The following SPIDR variants were observed in gnomAD, a reference collection of about 807,000 sequenced individuals.
The protein encoded by SPIDR is scaffold protein involved in DNA repair.
SPIDR carries 93 observed loss-of-function variants against 104.6 expected under a neutral mutation model. The observed-to-expected ratio is 0.89, with a 90% CI of 0.75 to 1.06. The LOEUF is 1.06. SPIDR is among the 50% of genes least tolerant of loss of function. The pLI is 0.00. For synonymous variants in SPIDR, 431 were observed against 416.9 expected (o/e 1.03, Z -0.41); for missense variants, 1,154 against 1,111.2 (o/e 1.04, Z -0.55).
chr8:47,399,534 G>A (rs1049035184), intron 6 of SPIDR, among the ~76,000 whole-genome samples: 4 of 152,188 alleles, frequency 2.6e-5, no homozygotes, highest in African/African-American at 7.2e-5. Flanking sequence ...TCTGTGACAC[G>A]GGCATGTAGT....
chr8:47,457,577 C>A (rs1275098616), intron 8 of SPIDR, among the ~76,000 whole-genome samples: 1 of 152,076 alleles, frequency 6.6e-6, no homozygotes, highest in Non-Finnish European at 1.5e-5. Flanking sequence ...TTGCTTTTGC[C>A]ATGCAAAAGC....
At chr8:47,720,689 T>C (rs1341330537) in intron 16 of SPIDR, among the ~76,000 whole-genome samples, 1 of 152,206 alleles carries the variant, frequency 6.6e-6, no homozygotes, top group African/African-American at 2.4e-5. Flanking sequence ...GAGTTTTAAG[T>C]GTTAACAGTC....
intron 14 of SPIDR, among the ~76,000 whole-genome samples, chr8:47,708,533 C>A (rs2081401021): frequency 6.6e-6 from 1 of 152,082 alleles, no homozygotes; most frequent in East Asian, 1.9e-4. Flanking sequence ...ATCGTACTCA[C>A]CCAGAGTCCA....
intron 2 of SPIDR, among the ~76,000 whole-genome samples, chr8:47,282,599 T>C (rs2038007333): frequency 6.6e-6 from 1 of 152,268 alleles, no homozygotes; most frequent in Admixed American, 6.5e-5. Flanking sequence ...TGCTCTGGAT[T>C]CTGCTCTGGC....
chr8:47,384,061 A>G (rs1395167353), intron 5 of SPIDR, among the ~76,000 whole-genome samples: 1 of 152,212 alleles, frequency 6.6e-6, no homozygotes, highest in Admixed American at 6.5e-5. Flanking sequence ...CTAAAACTGG[A>G]AAGAGAATTC....
chr8:47,630,964 A>G (rs554529034), intron 10 of SPIDR, among the ~76,000 whole-genome samples: 2 of 152,178 alleles, frequency 1.3e-5, no homozygotes, highest in African/African-American at 4.8e-5. Flanking sequence ...TTAAAGGGCA[A>G]CCTACAGACT....
intron 5 of SPIDR, among the ~76,000 whole-genome samples, chr8:47,331,989 C>CTTTTTTTTTTTTTTTTTTTTTTTTT (rs1289524835): frequency 1.7e-4 from 6 of 36,322 alleles, no homozygotes; most frequent in Non-Finnish European, 2.2e-4. Flanking sequence ...TTTTTTTTCT[C>CTTTTTTTTTTTTTTTTTTTTTTTTT]TTTTTTTTTT....
intron 10 of SPIDR, among the ~76,000 whole-genome samples, chr8:47,663,730 C>G (rs1241564400): frequency 6.6e-6 from 1 of 152,192 alleles, no homozygotes; most frequent in Non-Finnish European, 1.5e-5. Flanking sequence ...TCCAAATACT[C>G]TCAAGACTTA....
At chr8:47,329,214 G>A (rs1026459031) in intron 5 of SPIDR, among the ~76,000 whole-genome samples, 12 of 152,014 alleles carry the variant, frequency 7.9e-5, no homozygotes, top group Non-Finnish European at 8.8e-5. Flanking sequence ...GGGACTACAG[G>A]CACCCGCCAC....
intron 5 of SPIDR, among the ~76,000 whole-genome samples, chr8:47,300,878 A>T (rs1339214036): frequency 6.6e-6 from 1 of 152,134 alleles, no homozygotes; most frequent in Non-Finnish European, 1.5e-5. Flanking sequence ...ATATGTGGTC[A>T]ATTTGGAATA....
intron 14 of SPIDR, among the ~76,000 whole-genome samples, chr8:47,703,172 G>A (rs945532913): frequency 1.3e-5 from 2 of 152,156 alleles, no homozygotes; most frequent in African/African-American, 4.8e-5. Context: ...AAGCATTCAT[G>A]GTTGCATACA....
rs1219071134 is a variant in SPIDR at position 47,502,022 on chromosome 8, G to A, written c.1097+61480G>A. On this transcript the variant is annotated intron_variant, in intron 8 of 19. Coordinates refer to ENST00000297423, the MANE Select transcript of SPIDR (RefSeq NM_001080394.4). ...CTTGATCATGGTCGATAAGTTTTTT[G>A]ATGTGATGCTGGATTCGGTTTGCCA... Among the ~76,000 whole-genome samples, 9 of 152,282 alleles carry A rather than the reference G, an allele frequency of 5.9e-5. No individual in the cohort carries two copies. In the South Asian group the frequency reaches 6.2e-4, roughly 11 times the overall value.
Position 47,299,169 on chromosome 8 carries a change from C to T in SPIDR, c.525+5139C>T, listed in dbSNP as rs1563523692. On this transcript the variant is annotated intron_variant, in intron 5 of 19. Coordinates refer to ENST00000297423, the MANE Select transcript of SPIDR (RefSeq NM_001080394.4). ...TAGTTCTCCTTGAAGAGGTCCTTCA[C>T]GTCTCTTGTAAGTTGGAATCCTAGG... Among the ~76,000 whole-genome samples the T allele has an allele frequency of 2.0e-5, 3 of 152,264 alleles. No individual in the cohort carries two copies. In the South Asian group the frequency reaches 6.2e-4, roughly 32 times the overall value.
At chr8:47,661,228 T>C (rs895267018) in intron 10 of SPIDR, among the ~76,000 whole-genome samples, 4 of 152,210 alleles carry the variant, frequency 2.6e-5, no homozygotes, top group South Asian at 4.1e-4. Context: ...ACTCTCATTC[T>C]AAACACACAT....
At chr8:47,613,165 C>G (rs1037183924) in intron 10 of SPIDR, among the ~76,000 whole-genome samples, 10 of 152,180 alleles carry the variant, frequency 6.6e-5, no homozygotes, top group African/African-American at 2.4e-4. Context: ...AACCCCTTCC[C>G]CAGCCCATTG....
chr8:47,279,811 G>GT (rs2037363950), intron 1 of SPIDR, 51 bp from the exon 2 acceptor site: 1 of 1,549,742 alleles, frequency 6.5e-7, no homozygotes, highest in Admixed American at 1.9e-5. Context: ...ATTTAATGAA[G>GT]TTGATTTTGT....
At chr8:47,686,069 A>G (rs1447213315) in intron 11 of SPIDR, among the ~76,000 whole-genome samples, 1 of 152,098 alleles carries the variant, frequency 6.6e-6, no homozygotes, top group Non-Finnish European at 1.5e-5. Context: ...TTATAAAACA[A>G]ATTATGTGAA....
At chr8:47,696,125 T>C (rs572737742) in intron 11 of SPIDR, among the ~76,000 whole-genome samples, 14 of 152,358 alleles carry the variant, frequency 9.2e-5, no homozygotes, top group African/African-American at 2.9e-4. Context: ...ACCTTTCTTG[T>C]CGCACGATGG....
chr8:47,443,507 G>C (rs1201309902), intron 8 of SPIDR, among the ~76,000 whole-genome samples: 1 of 146,952 alleles, frequency 6.8e-6, no homozygotes, highest in Non-Finnish European at 1.5e-5. Context: ...GGAGGTGGGG[G>C]TTGCAGGGAG....
Sources: gnomAD v4.1 joint callset for allele counts (sites outside exome capture counted in the v4.1 genomes callset) on GRCh38, gnomAD v4.1.1 for gene constraint, MANE v1.5 for transcripts, NCBI Gene and HGNC (gene_info 2026-07-23, HGNC 2026-07-21) for gene names.